The following PALM2AKAP2 variants were observed in gnomAD, a reference collection of about 807,000 sequenced individuals.
PALM2AKAP2 encodes the protein PALM2-AKAP2 fusion protein.
A neutral mutation model predicts 71.5 loss-of-function variants in PALM2AKAP2; 37 were observed. The ratio of observed to expected loss-of-function variants is 0.52; its 90% CI spans 0.40 to 0.68. The LOEUF is 0.68. PALM2AKAP2 is among the 30% of genes least tolerant of loss of function. PALM2AKAP2 has a pLI of 0.00. For missense variants in PALM2AKAP2, 1,224 were observed against 1,191.8 expected (o/e 1.03, Z -0.40); for synonymous variants, 468 against 478.8 (o/e 0.98, Z 0.29).
At chr9:109,783,888 C>T (rs1286712726) in intron 1 of PALM2AKAP2, among the ~76,000 whole-genome samples, 1 of 152,212 alleles carries the variant, frequency 6.6e-6, no homozygotes, top group Non-Finnish European at 1.5e-5. Flanking sequence ...GTCACATGAA[C>T]ATCTGTGGAA....
At chr9:109,742,168 G>A (rs1231712146) in intron 1 of PALM2AKAP2, among the ~76,000 whole-genome samples, 1 of 151,914 alleles carries the variant, frequency 6.6e-6, no homozygotes, top group Non-Finnish European at 1.5e-5. Flanking sequence ...TTATTTTCCT[G>A]TGTAGCCTGT....
chr9:109,892,419 G>T (rs1830109376), intron 3 of PALM2AKAP2, among the ~76,000 whole-genome samples: 1 of 152,076 alleles, frequency 6.6e-6, no homozygotes, highest in African/African-American at 2.4e-5. Context: ...CATCTACACA[G>T]ACCCTTTTAT....
intron 1 of PALM2AKAP2, among the ~76,000 whole-genome samples, chr9:109,715,518 T>C (rs1362893456): frequency 6.6e-6 from 1 of 152,152 alleles, no homozygotes; most frequent in Non-Finnish European, 1.5e-5. Flanking sequence ...TCTGACTACA[T>C]GTGAGCATTC....
At chr9:109,822,534 A>G (rs1435261100) in intron 1 of PALM2AKAP2, among the ~76,000 whole-genome samples, 1 of 151,932 alleles carries the variant, frequency 6.6e-6, no homozygotes, top group Non-Finnish European at 1.5e-5. Flanking sequence ...CCCACCTTCT[A>G]CCCTCAAGTA....
At chr9:109,659,991 C>T (rs1587857273) in intron 1 of PALM2AKAP2, among the ~76,000 whole-genome samples, 3 of 152,106 alleles carry the variant, frequency 2.0e-5, no homozygotes, top group Admixed American at 2.0e-4. Flanking sequence ...CAGGCATGCA[C>T]TACTGCACTC....
chr9:109,709,839 T>C (rs1417379678), intron 1 of PALM2AKAP2, among the ~76,000 whole-genome samples: 1 of 152,156 alleles, frequency 6.6e-6, no homozygotes, highest in Non-Finnish European at 1.5e-5. Context: ...CCTGTAGCGA[T>C]TTGAATGTTG....
chr9:109,696,094 A>G (rs1016833666), intron 1 of PALM2AKAP2, among the ~76,000 whole-genome samples: 1 of 152,214 alleles, frequency 6.6e-6, no homozygotes, highest in African/African-American at 2.4e-5. Context: ...ATCATTACAC[A>G]TTGCATAAAT....
At chr9:110,043,515 A>G (rs528688121) in intron 7 of PALM2AKAP2, among the ~76,000 whole-genome samples, 1 of 152,274 alleles carries the variant, frequency 6.6e-6, no homozygotes, top group Admixed American at 6.5e-5. Flanking sequence ...ATGCCCATCA[A>G]TAAAGTATAA....
At chr9:109,977,202 C>T (rs1281268641) in intron 6 of PALM2AKAP2, among the ~76,000 whole-genome samples, 2 of 152,176 alleles carry the variant, frequency 1.3e-5, no homozygotes, top group Admixed American at 1.3e-4. Flanking sequence ...GTACTGTCCT[C>T]CTAAGCTGCA....
At chr9:109,643,743 C>G (rs1326278697) in intron 1 of PALM2AKAP2, among the ~76,000 whole-genome samples, 1 of 152,220 alleles carries the variant, frequency 6.6e-6, no homozygotes, top group Non-Finnish European at 1.5e-5. Context: ...ATTTCCAACT[C>G]TGTTTTCTGC....
chr9:110,127,490 G>A (rs1212471618), intron 1 of PALM2AKAP2, among the ~76,000 whole-genome samples: 5 of 152,166 alleles, frequency 3.3e-5, no homozygotes, highest in Non-Finnish European at 5.9e-5. Context: ...CTCGGGGGAT[G>A]GAAGAGGAAA....
intron 1 of PALM2AKAP2, among the ~76,000 whole-genome samples, chr9:109,856,035 G>A (rs1172212952): frequency 6.6e-6 from 1 of 152,106 alleles, no homozygotes; most frequent in African/African-American, 2.4e-5. Context: ...CTAACAAGAG[G>A]AAAAACTGTC....
At chr9:109,923,699 A>G (rs754066201) in intron 3 of PALM2AKAP2, 36 bp from the exon 4 acceptor site, 38 of 1,554,244 alleles carry the variant, frequency 2.4e-5, no homozygotes, top group Non-Finnish European at 3.0e-5. Flanking sequence ...TGGCAGGACA[A>G]TAAAGTAACT....
intron 1 of PALM2AKAP2, among the ~76,000 whole-genome samples, chr9:110,075,008 AAAAAAGAAAAAG>A (rs1226936779): frequency 6.6e-6 from 1 of 151,762 alleles, no homozygotes; most frequent in East Asian, 1.9e-4. Context: ...ATCTCAAGAA[AAAAAAGAAAAAG>A]AAAAAGAAAA....
chr9:109,785,327 G>T (rs1826932238), intron 1 of PALM2AKAP2, among the ~76,000 whole-genome samples: 1 of 152,166 alleles, frequency 6.6e-6, no homozygotes, highest in Non-Finnish European at 1.5e-5. Context: ...CCTTGTATAT[G>T]CTACCTTCTT....
Position 109,928,228 on chromosome 9 carries a change from G to A in PALM2AKAP2, c.394+3146G>A, listed in dbSNP as rs933930868. Reference sequence around the variant, plus strand: ...AGCCATTCTCCTGCCTCAGCCCCCCGAATAGCTGGGATTACAGGTATCAGC... The same window carrying A: ...AGCCATTCTCCTGCCTCAGCCCCCCAAATAGCTGGGATTACAGGTATCAGC... On this transcript the variant is annotated intron_variant, in intron 5 of 9. Transcript: ENST00000302798. 8.5e-5 allele frequency among the ~76,000 whole-genome samples: 13 copies of A among 152,072 alleles called. 1 individual carries two copies. The highest frequency in any genetic ancestry group is 7.9e-4 in the Admixed American group (12 of 15,276).
intron 1 of PALM2AKAP2, among the ~76,000 whole-genome samples, chr9:110,052,383 A>G (rs1313876891): frequency 1.3e-5 from 2 of 152,246 alleles, no homozygotes; most frequent in Non-Finnish European, 2.9e-5. Context: ...AGTTAAGGTA[A>G]TCCATATACA....
At chr9:110,092,947 G>A (rs113960438) in intron 1 of PALM2AKAP2, among the ~76,000 whole-genome samples, 52 of 152,312 alleles carry the variant, frequency 3.4e-4, no homozygotes, top group African/African-American at 1.2e-3. Context: ...TGGGGTGGGG[G>A]TGAGCGGCAG....
At chr9:110,014,819 T>TATAC (rs1832950241) in intron 6 of PALM2AKAP2, among the ~76,000 whole-genome samples, 1 of 78,646 alleles carries the variant, frequency 1.3e-5, no homozygotes, top group African/African-American at 4.9e-5. Context: ...TATATATATA[T>TATAC]ATATATATAT....
Sources: gnomAD v4.1 joint callset for allele counts (sites outside exome capture counted in the v4.1 genomes callset) on GRCh38, gnomAD v4.1.1 for gene constraint, MANE v1.5 for transcripts, NCBI Gene and HGNC (gene_info 2026-07-23, HGNC 2026-07-21) for gene names.